DYSF: variants seen among roughly 807,000 people sequenced by gnomAD.
DYSF encodes dystrophy-associated fer-1-like 1.
DYSF carries 212 observed loss-of-function variants against 274.9 expected under a neutral mutation model. The ratio of observed to expected loss-of-function variants is 0.77; its 90% confidence interval spans 0.69 to 0.86. The LOEUF (loss-of-function observed/expected upper bound fraction) is 0.86. Among genes scored for constraint, DYSF ranks in the 40% least tolerant of loss-of-function variants. The pLI, the probability that DYSF is intolerant of heterozygous loss-of-function variation, is 0.00. For missense variants in DYSF, 2,666 were observed against 2,783.2 expected, an observed-to-expected ratio of 0.96 and a Z score of 0.95; for synonymous variants, 1,091 against 1,078.7, an observed-to-expected ratio of 1.01 and a Z score of -0.22.
intron 12 of DYSF, among the ~76,000 whole-genome samples, chr2:71,521,639 G>T (rs1019409279): frequency 1.3e-5 from 2 of 152,138 alleles, no homozygotes; most frequent in African/African-American, 4.8e-5. Flanking sequence ...TGCAGGGAGG[G>T]AGAGGAGGAC....
At chr2:71,639,319 G>A (rs1212480526) in intron 41 of DYSF, among the ~76,000 whole-genome samples, 1 of 151,728 alleles carries the variant, frequency 6.6e-6, no homozygotes, top group Non-Finnish European at 1.5e-5. Flanking sequence ...GCATCTTGCT[G>A]TTGTTCTTTA....
At chr2:71,548,793 A>G (rs2090687971) in intron 17 of DYSF, among the ~76,000 whole-genome samples, 1 of 151,708 alleles carries the variant, frequency 6.6e-6, no homozygotes, top group Non-Finnish European at 1.5e-5. Flanking sequence ...CGCAACGTGG[A>G]GCCTTCAGGG....
chr2:71,678,997 G>T, intron 52 of DYSF, 60 bp from the exon 53 acceptor site: 2 of 1,523,718 alleles, frequency 1.3e-6, no homozygotes, highest in Admixed American at 3.3e-5. Context: ...CTGCCTAAGG[G>T]TGGCTACAGG....
intron 12 of DYSF, among the ~76,000 whole-genome samples, chr2:71,523,881 G>A (rs529402564): frequency 1.3e-5 from 2 of 152,058 alleles, no homozygotes; most frequent in Non-Finnish European, 2.9e-5. Flanking sequence ...AGAATCACGC[G>A]TGTCTCCTCT....
At position 71,592,732 on chromosome 2, in the gene DYSF, C is replaced by T. The variant is rs551539203; in HGVS notation, c.3574+2444C>T. On this transcript the variant is annotated intron_variant, in intron 32 of 55. Transcript: ENST00000410020. The stretch of plus-strand genomic sequence containing the variant: ...GAACCACTCTCCCAGTGCCTCTGAC[C>T]TGTGGCTCTCTGGGCCTTTCCCCGG... 5.3e-5 allele frequency among the ~76,000 whole-genome samples: 8 copies of T among 152,336 alleles called. No individual in the cohort carries two copies. In the South Asian group the frequency reaches 1.7e-3, roughly 32 times the overall value.
chr2:71,606,276 A>G (rs2093645348), intron 36 of DYSF, among the ~76,000 whole-genome samples: 1 of 152,040 alleles, frequency 6.6e-6, no homozygotes, highest in African/African-American at 2.4e-5. Flanking sequence ...GGCTGGCTTG[A>G]TCAACACTCT....
intron 13 of DYSF, 72 bp downstream of exon 13, chr2:71,526,418 T>TGGGTGTGGGGGGGG: frequency 3.8e-6 from 1 of 261,506 alleles, no homozygotes; most frequent in Non-Finnish European, 7.0e-6. Context: ...GGGTGGGCGA[T>TGGGTGTGGGGGGGG]GGCGGGCGGG....
intron 11 of DYSF, 87 bp from the exon 12 acceptor site, chr2:71,520,702 C>A: frequency 8.9e-7 from 1 of 1,129,716 alleles, no homozygotes; most frequent in Non-Finnish European, 1.4e-6. Flanking sequence ...TTTACCTCCC[C>A]TGTGCAGTCC....
intron 4 of DYSF, among the ~76,000 whole-genome samples, chr2:71,503,611 G>C (rs1360530386): frequency 3.3e-5 from 5 of 152,152 alleles, no homozygotes; most frequent in Non-Finnish European, 7.4e-5. Flanking sequence ...CCTGTCCCCA[G>C]CTTCCTGGTC....
chr2:71,588,330 GC>G (rs1395025208), intron 30 of DYSF, among the ~76,000 whole-genome samples: 7 of 152,146 alleles, frequency 4.6e-5, no homozygotes, highest in Non-Finnish European at 8.8e-5. Flanking sequence ...CTTGGGGATG[GC>G]TGGCCAGAGG....
Position 71,686,593 on chromosome 2 carries a change from C to T in DYSF, c.*101C>T, listed in dbSNP as rs762872790. The T allele has an allele frequency of 1.5e-6, 2 of 1,362,740 alleles. No homozygotes were observed. Among genetic ancestry groups the T allele is most frequent in the Non-Finnish European group, 2.1e-6 (2 of 959,192 alleles). The allele number at this position is 1,362,740 out of a possible 1,614,324, so 84.4% of individuals were successfully genotyped here. On this transcript the variant is annotated 3_prime_UTR_variant, in exon 56 of 56. Coordinates refer to ENST00000410020, the MANE Select transcript of DYSF (RefSeq NM_001130987.2). ...GGCGAGCTCCTCCAGACCTCCTAGGCCTGATTGTCCTGCCAGGGTGGGCAG... is the reference window on the plus strand; with the variant it reads ...GGCGAGCTCCTCCAGACCTCCTAGGTCTGATTGTCCTGCCAGGGTGGGCAG...
chr2:71,536,234 C>T (rs959305949), intron 16 of DYSF, among the ~76,000 whole-genome samples: 2 of 152,186 alleles, frequency 1.3e-5, no homozygotes, highest in African/African-American at 4.8e-5. Context: ...CCAGCGTGTT[C>T]TCCTCTGGTC....
chr2:71,520,073 T>C, intron 10 of DYSF, 105 bp from the exon 11 acceptor site: 5 of 1,360,120 alleles, frequency 3.7e-6, no homozygotes, highest in Non-Finnish European at 4.2e-6. Context: ...TGTTTCCAAA[T>C]GTTCTTCAAA....
At chr2:71,455,760 CA>C (rs1441730197) in intron 1 of DYSF, among the ~76,000 whole-genome samples, 3 of 152,032 alleles carry the variant, frequency 2.0e-5, no homozygotes, top group Admixed American at 2.0e-4. Flanking sequence ...GCTGGTGCTC[CA>C]AATGTACACT....
At chr2:71,666,484 T>C (rs2095012350) in intron 47 of DYSF, among the ~76,000 whole-genome samples, 13 of 152,194 alleles carry the variant, frequency 8.5e-5, no homozygotes, top group Admixed American at 8.5e-4. Flanking sequence ...CATATAGGTG[T>C]GCATGAGCAC....
At chr2:71,543,486 G>A (rs2152774002) in intron 17 of DYSF, among the ~76,000 whole-genome samples, 1 of 152,348 alleles carries the variant, frequency 6.6e-6, no homozygotes, top group South Asian at 2.1e-4. Context: ...TGCGATCTCG[G>A]CACTTTGGGA....
At chr2:71,495,277 T>C (rs1023841188) in intron 3 of DYSF, among the ~76,000 whole-genome samples, 1 of 151,572 alleles carries the variant, frequency 6.6e-6, no homozygotes, top group African/African-American at 2.4e-5. Context: ...GAATGACTTT[T>C]ACAGATGAGG....
chr2:71,600,521 A>G (rs1422435516), intron 33 of DYSF, among the ~76,000 whole-genome samples, 181 bp from the exon 34 acceptor site: 3 of 152,216 alleles, frequency 2.0e-5, no homozygotes, highest in Non-Finnish European at 4.4e-5. Context: ...CAGGCTGCTC[A>G]CAGCTTGTTT....
chr2:71,679,130 G>A lies in DYSF; in HGVS notation c.5958G>A (p.Leu1986=). The A allele has an allele frequency of 4.3e-6, 7 of 1,614,062 alleles. No homozygotes were observed. The highest frequency in any genetic ancestry group is 5.9e-6 in the Non-Finnish European group (7 of 1,179,954). The part of the protein sequence containing the change: ...KTAKKCSLDQ[L]DDAFHPEWFV... ...CCAAGAAGTGCTCCTTGGACCAGCT[G>A]GATGATGCTTTCCACCCAGAATGGT... The change falls in exon 53 of 56, where the codon CTG becomes CTA. Residue 1986 remains leucine, a synonymous_variant. Coordinates refer to ENST00000410020, the MANE Select transcript of DYSF (RefSeq NM_001130987.2).
Sources: gnomAD v4.1 joint callset for allele counts (sites outside exome capture counted in the v4.1 genomes callset) on GRCh38, gnomAD v4.1.1 for gene constraint, MANE v1.5 for transcripts, NCBI Gene and HGNC (gene_info 2026-07-23, HGNC 2026-07-21) for gene names.